ORMDL3: variants seen among roughly 807,000 people sequenced by gnomAD.
ORMDL3 encodes ORMDL sphingolipid biosynthesis regulator 3, also known as ORM1-like protein 3.
ORMDL3 carries 6 observed loss-of-function variants against 12.6 expected under a neutral mutation model. The ratio of observed to expected loss-of-function variants is 0.48; its 90% CI spans 0.26 to 0.94. ORMDL3 has a LOEUF of 0.94. Ranked by LOEUF, ORMDL3 falls within the 40% of genes least tolerant of loss-of-function variation. ORMDL3 has a pLI of 0.14. For missense variants in ORMDL3, 159 were observed against 205.5 expected, an observed-to-expected ratio of 0.77 and a Z score of 1.38; for synonymous variants, 99 against 87.2, an observed-to-expected ratio of 1.14 and a Z score of -0.75.
chr17:39,924,044 G>A lies in ORMDL3; in HGVS notation c.160C>T (p.Leu54Phe), dbSNP rs747539707. The change falls in exon 2 of 4, where the codon CTC (leucine) becomes TTC (phenylalanine). Residue 54 changes from leucine to phenylalanine, a missense_variant. By Grantham distance (22) the Leu-to-Phe change is conservative. Coordinates refer to ENST00000304046, the MANE Select transcript of ORMDL3 (RefSeq NM_139280.4). ...SVPVVWTLTN[L>F]IHNMGMYIFL... is the part of the protein sequence containing the mutation. ...CAGGCTCTCACCATGTTGTGAATGAGGTTGGTGAGGGTCCAGACGACAGGG... is the reference window on the plus strand; with the variant it reads ...CAGGCTCTCACCATGTTGTGAATGAAGTTGGTGAGGGTCCAGACGACAGGG... The A allele has an allele frequency of 6.2e-7, 1 of 1,607,326 alleles. No homozygotes were observed. Among genetic ancestry groups the A allele is most frequent in the East Asian group, 2.2e-5 (1 of 44,776 alleles).
chr17:39,922,795 A>C, intron 3 of ORMDL3, 110 bp from the exon 4 acceptor site: 4 of 1,353,892 alleles, frequency 3.0e-6, no homozygotes, highest in Non-Finnish European at 4.0e-6. Flanking sequence ...GAGTTACAGA[A>C]GAGGTTCCCA....
At chr17:39,922,719 A>G in intron 3 of ORMDL3, 34 bp from the exon 4 acceptor site, 1 of 1,605,496 alleles carries the variant, frequency 6.2e-7, no homozygotes, top group Non-Finnish European at 8.5e-7. Flanking sequence ...GATATAAAAG[A>G]CTGTTGGGAG....
rs1366109409 is a variant in ORMDL3, at chr17:39,922,184, G to C, written c.*366C>G. 6 of 182,604 alleles carry C rather than the reference G, an allele frequency of 3.3e-5. No homozygotes were observed. The highest frequency in any genetic ancestry group is 1.4e-4 in the African/African-American group (6 of 42,412). The allele number at this position is 182,604 out of a possible 1,614,324, so 11.3% of individuals were successfully genotyped here. A position where few individuals can be genotyped will look rare whatever the true frequency, so the allele number is the denominator to read the frequency against. On this transcript the variant is annotated 3_prime_UTR_variant, in exon 4 of 4. Coordinates refer to ENST00000304046, the MANE Select transcript of ORMDL3 (RefSeq NM_139280.4). Reference sequence around the variant, plus strand: ...CCTATGCAGGGGTTAAAGTGCTTTGGCTGCCTGAGGGCAAACAAGTGAGCA... The same window carrying C: ...CCTATGCAGGGGTTAAAGTGCTTTGCCTGCCTGAGGGCAAACAAGTGAGCA...
At chr17:39,922,751 C>G in intron 3 of ORMDL3, 66 bp from the exon 4 acceptor site, 1 of 1,543,384 alleles carries the variant, frequency 6.5e-7, no homozygotes, top group Non-Finnish European at 8.8e-7. Flanking sequence ...CCCTCACTTC[C>G]TGGGAGGGGA....
chr17:39,924,189 T>G lies in ORMDL3; in HGVS notation c.15A>C (p.Thr5=). The part of the protein sequence containing the change: MNVG[T]AHSEVNPNTR... ...TGTTGGGGTTCACCTCGCTGTGCGC[T>G]GTGCCCACATTCATCCTGCTGCCCC... The change falls in exon 2 of 4, where the codon ACA becomes ACC. Residue 5 remains threonine, a synonymous_variant. Coordinates refer to ENST00000304046, the MANE Select transcript of ORMDL3 (RefSeq NM_139280.4). 1 of 1,608,604 alleles carries G rather than the reference T, an allele frequency of 6.2e-7. No individual in the cohort carries two copies. The highest frequency in any genetic ancestry group is 8.5e-7 in the Non-Finnish European group (1 of 1,177,030).
rs1438667486 is a variant in ORMDL3 at position 39,921,930 on chromosome 17, A to G, written c.*620T>C. 1 of 151,814 alleles carries G rather than the reference A, an allele frequency of 6.6e-6. No individual in the cohort carries two copies. 9.4% of individuals were successfully genotyped at this position (151,814 alleles called of 1,614,324 possible). On this transcript the variant is annotated 3_prime_UTR_variant, in exon 4 of 4. Coordinates refer to ENST00000304046, the MANE Select transcript of ORMDL3 (RefSeq NM_139280.4). Reference sequence around the variant, plus strand: ...TCACCTCTGGAACCAAGCCATCTACACTCTACCCCATCTTTCCCCAACCTG... The same window carrying G: ...TCACCTCTGGAACCAAGCCATCTACGCTCTACCCCATCTTTCCCCAACCTG...
rs1018204283 is a variant in ORMDL3 at position 39,921,252 on chromosome 17, C to T, written c.*1298G>A. ...TGGAAGAGGACACAGGGACCCACAC[C>T]TTTTCAAAATTAACACTGCCCCTAG... On this transcript the variant is annotated 3_prime_UTR_variant, in exon 4 of 4. Coordinates refer to ENST00000304046, the MANE Select transcript of ORMDL3 (RefSeq NM_139280.4). The T allele has an allele frequency of 2.0e-5, 3 of 152,668 alleles. No homozygotes were observed. The highest frequency in any genetic ancestry group is 7.2e-5 in the African/African-American group (3 of 41,444). 9.5% of individuals were successfully genotyped at this position (152,668 alleles called of 1,614,324 possible). A position where few individuals can be genotyped will look rare whatever the true frequency, so the allele number is the denominator to read the frequency against.
At chr17:39,923,715 C>T (rs1381463501) in intron 2 of ORMDL3, among the ~76,000 whole-genome samples, 1 of 152,140 alleles carries the variant, frequency 6.6e-6, no homozygotes, top group African/African-American at 2.4e-5. Context: ...CCAGGACTCT[C>T]GGGTCCTGGG....
chr17:39,922,779 G>A (rs999250575), intron 3 of ORMDL3, 94 bp from the exon 4 acceptor site: 17 of 1,439,298 alleles, frequency 1.2e-5, no homozygotes, highest in Non-Finnish European at 1.6e-5. Flanking sequence ...AATCCCAACA[G>A]CTAAGGAGTT....
chr17:39,927,324 C>T (rs1018543501), intron 1 of ORMDL3, 160 bp downstream of exon 1: 11 of 418,206 alleles, frequency 2.6e-5, no homozygotes, highest in African/African-American at 2.2e-4. Context: ...TATTCCTTGG[C>T]CACCTCCCCA....
At position 39,922,601 on chromosome 17, in the gene ORMDL3, G is replaced by C. The variant is rs1448889095; in HGVS notation, c.411C>G (p.Pro137=). The part of the protein sequence containing the change: ...NTVSLMSVLI[P]KLPQLHGVRI... ...GGACTCCGTGGAGCTGGGGCAGCTT[G>C]GGGATAAGCACGCTCATCAGGGACA... The change falls in exon 4 of 4, where the codon CCC becomes CCG. Residue 137 remains proline (P), a synonymous_variant. Transcript: ENST00000304046. 1 of 1,614,130 alleles carries C rather than the reference G, an allele frequency of 6.2e-7. No homozygotes were observed. Among genetic ancestry groups the C allele is most frequent in the South Asian group, 1.1e-5 (1 of 91,078 alleles).
chr17:39,922,592 G>C lies in ORMDL3; in HGVS notation c.420C>G (p.Pro140=). The change falls in exon 4 of 4, where the codon CCC becomes CCG. Residue 140 remains proline (P), a synonymous_variant. Coordinates refer to ENST00000304046, the MANE Select transcript of ORMDL3 (RefSeq NM_139280.4). The part of the protein sequence containing the change: ...SLMSVLIPKL[P]QLHGVRIFGI... ...CAAAAATCCGGACTCCGTGGAGCTG[G>C]GGCAGCTTGGGGATAAGCACGCTCA... The C allele has an allele frequency of 3.7e-6, 6 of 1,614,166 alleles. No homozygotes were observed. The highest frequency in any genetic ancestry group is 1.3e-5 in the African/African-American group (1 of 75,058).
In ORMDL3 at chr17:39,922,534, G is replaced by C. The variant is rs1978303771; in HGVS notation, c.*16C>G. ...CCCCTCCCCTGCCACCCTGGGCAGGGGAAGGGGCTGCACTCTCAGTACTTA... is the reference window on the plus strand; with the variant it reads ...CCCCTCCCCTGCCACCCTGGGCAGGCGAAGGGGCTGCACTCTCAGTACTTA... On this transcript the variant is annotated 3_prime_UTR_variant, in exon 4 of 4. Transcript: ENST00000304046. 1 of 1,612,288 alleles carries C rather than the reference G, an allele frequency of 6.2e-7. No individual in the cohort carries two copies. Among genetic ancestry groups the C allele is most frequent in the African/African-American group, 1.3e-5 (1 of 74,884 alleles).
chr17:39,927,565 CG>C lies in ORMDL3; in HGVS notation c.-105del. The C allele has an allele frequency of 1.0e-6, 1 of 985,616 alleles. No individual in the cohort carries two copies. Among genetic ancestry groups the C allele is most frequent in the Non-Finnish European group, 1.2e-6 (1 of 830,050 alleles). 61.1% of individuals were successfully genotyped at this position (985,616 alleles called of 1,614,324 possible). A position where few individuals can be genotyped will look rare whatever the true frequency, so the allele number is the denominator to read the frequency against. ...CTGCTCCAGCAGCTGTAACAACCCGCGGCTGCAGCCTCCCCGCTGGCAGCTC... is the reference window on the plus strand; with the variant it reads ...CTGCTCCAGCAGCTGTAACAACCCGCGCTGCAGCCTCCCCGCTGGCAGCTC... On this transcript the variant is annotated 5_prime_UTR_variant, in exon 1 of 4. Transcript: ENST00000304046.
chr17:39,927,021 C>G, intron 1 of ORMDL3: 1 of 982,990 alleles, frequency 1.0e-6, no homozygotes, highest in Non-Finnish European at 1.2e-6. Context: ...CCAGGCGAAC[C>G]CGCACTAAGC....
chr17:39,923,051 C>A, intron 3 of ORMDL3, 61 bp downstream of exon 3: 1 of 1,599,532 alleles, frequency 6.3e-7, no homozygotes, highest in Non-Finnish European at 8.5e-7. Flanking sequence ...CATGGCTGGG[C>A]CCTGGGGTCC....
In ORMDL3 at chr17:39,922,503, ACCCTACCCCTC is replaced by A. The variant is rs1351332481; in HGVS notation, c.*36_*46del. ...TTCAGTGTTGCAGCACATGCCTTTT[ACCCTACCCCTC>A]CCCTGCCACCCTGGGCAGGGGAAGG... On this transcript the variant is annotated 3_prime_UTR_variant, in exon 4 of 4. Transcript: ENST00000304046. 2 of 1,588,128 alleles carry A rather than the reference ACCCTACCCCTC, an allele frequency of 1.3e-6. No homozygotes were observed. The highest frequency in any genetic ancestry group is 2.3e-5 in the South Asian group (2 of 88,028).
rs1340988400 is a variant in ORMDL3, at chr17:39,922,496, G to A, written c.*54C>T. 1.3e-6 allele frequency: 2 copies of A among 1,568,578 alleles called. No homozygotes were observed. Among genetic ancestry groups the A allele is most frequent in the Non-Finnish European group, 1.7e-6 (2 of 1,155,810 alleles). On this transcript the variant is annotated 3_prime_UTR_variant, in exon 4 of 4. Transcript: ENST00000304046. ...TTCTGTCTTCAGTGTTGCAGCACAT[G>A]CCTTTTACCCTACCCCTCCCCTGCC...
At chr17:39,927,093 C>T in intron 1 of ORMDL3, 2 of 835,640 alleles carry the variant, frequency 2.4e-6, no homozygotes, top group Non-Finnish European at 2.9e-6. Context: ...TGAGTGAGAC[C>T]TCGGGTGCGG....
Sources: allele counts gnomAD v4.1 joint callset (sites outside exome capture counted in the v4.1 genomes callset), GRCh38; gene constraint gnomAD v4.1.1; transcripts MANE v1.5; gene names NCBI Gene and HGNC (gene_info 2026-07-23, HGNC 2026-07-21).